Variants in ARHGAP39 observed in about 807,000 individuals in gnomAD.
ARHGAP39 encodes the protein rho GTPase-activating protein 39.
ARHGAP39 carries 44 observed loss-of-function variants against 106.9 expected under a neutral mutation model. The ratio of observed to expected loss-of-function variants is 0.41; its 90% CI spans 0.32 to 0.53. ARHGAP39 has a LOEUF of 0.53. ARHGAP39 is among the 20% of genes least tolerant of loss of function. The probability of loss-of-function intolerance (pLI) is 0.21; values close to 1 mark genes in which losing one functional copy is unlikely to be tolerated. For missense variants in ARHGAP39, 1,496 were observed against 1,577.3 expected, an observed-to-expected ratio of 0.95 and a Z score of 0.87; for synonymous variants, 768 against 693.2, an observed-to-expected ratio of 1.11 and a Z score of -1.69.
At chr8:144,696,847 A>G in the ARHGAP39 span, among the ~76,000 whole-genome samples, 1 of 152,154 alleles carries the variant, frequency 6.6e-6, no homozygotes, top group Non-Finnish European at 1.5e-5. Flanking sequence ...AGTCCCTAGT[A>G]ACCAACATTC....
At chr8:144,667,726 G>T (rs537957494) in intron 1 of ARHGAP39, among the ~76,000 whole-genome samples, 1 of 152,180 alleles carries the variant, frequency 6.6e-6, no homozygotes, top group East Asian at 1.9e-4. Flanking sequence ...GTGTGACCCT[G>T]GTGGGTCACA....
rs374785210 is a variant in ARHGAP39, at chr8:144,605,693, G to A, written c.-79C>T. The A allele has an allele frequency of 1.2e-5, 17 of 1,418,172 alleles. No homozygotes were observed. The highest frequency in any genetic ancestry group is 2.3e-5 in the South Asian group (2 of 86,612). The allele number at this position is 1,418,172 out of a possible 1,614,324, so 87.8% of individuals were successfully genotyped here. ...CGCCAGCATCAGACGGGAAGGTGCC[G>A]CACTGCAAGAGGGGAGAAGCAACAG... On this transcript the variant is annotated splice_region_variant and 5_prime_UTR_variant, in exon 2 of 12. Transcript: ENST00000377307.
chr8:144,596,342 C>T (rs551972162), intron 2 of ARHGAP39, among the ~76,000 whole-genome samples: 7 of 151,140 alleles, frequency 4.6e-5, no homozygotes, highest in South Asian at 2.1e-4. Flanking sequence ...CTTGCCACCC[C>T]GGCGCTGTCC....
At chr8:144,592,081 C>T (rs2130916551) in intron 2 of ARHGAP39, among the ~76,000 whole-genome samples, 1 of 152,302 alleles carries the variant, frequency 6.6e-6, no homozygotes, top group African/African-American at 2.4e-5. Context: ...AGAAGTAATA[C>T]CAATTGTTAT....
intron 2 of ARHGAP39, among the ~76,000 whole-genome samples, chr8:144,589,098 T>A (rs796135836): frequency 6.6e-5 from 10 of 152,062 alleles, no homozygotes; most frequent in African/African-American, 1.9e-4. Context: ...GCTCATCAAC[T>A]GCAGAAAGGC....
chr8:144,633,143 TTTTG>T (rs199734479), intron 1 of ARHGAP39, among the ~76,000 whole-genome samples: 46 of 148,720 alleles, frequency 3.1e-4, no homozygotes, highest in Middle Eastern at 4.0e-3. Context: ...CCCTGTTTTT[TTTTG>T]TTTGTTTGTT....
At chr8:144,593,189 C>T (rs942607408) in intron 2 of ARHGAP39, among the ~76,000 whole-genome samples, 5 of 152,108 alleles carry the variant, frequency 3.3e-5, no homozygotes, top group African/African-American at 1.2e-4. Flanking sequence ...TTGCACACAG[C>T]GATCAGCCCA....
At chr8:144,601,096 G>A (rs1208120981) in intron 2 of ARHGAP39, among the ~76,000 whole-genome samples, 4 of 147,438 alleles carry the variant, frequency 2.7e-5, no homozygotes, top group African/African-American at 1.0e-4. Flanking sequence ...GTGCGTGGAG[G>A]TGTGTGTGAC....
At chr8:144,640,141 C>T (rs888633111) in intron 1 of ARHGAP39, among the ~76,000 whole-genome samples, 1 of 152,162 alleles carries the variant, frequency 6.6e-6, no homozygotes, top group Admixed American at 6.5e-5. Context: ...AGCTCCATGA[C>T]ACCAGGGATT....
chr8:144,661,780 C>A (rs886541694), intron 1 of ARHGAP39, among the ~76,000 whole-genome samples: 2 of 152,040 alleles, frequency 1.3e-5, no homozygotes, highest in African/African-American at 4.8e-5. Flanking sequence ...ACCCGCCTCT[C>A]CATTATCCAC....
intron 1 of ARHGAP39, among the ~76,000 whole-genome samples, chr8:144,655,814 G>A (rs778692867): frequency 6.6e-6 from 1 of 152,040 alleles, no homozygotes; most frequent in African/African-American, 2.4e-5. Flanking sequence ...CAAAGACCCC[G>A]TAACACTATG....
At chr8:144,563,147 T>G (rs1242320198) in intron 3 of ARHGAP39, among the ~76,000 whole-genome samples, 3 of 152,360 alleles carry the variant, frequency 2.0e-5, no homozygotes, top group South Asian at 4.1e-4. Flanking sequence ...AAGGCTTACT[T>G]AGACAAACTT....
At chr8:144,535,567 C>A (rs1564834407) in intron 7 of ARHGAP39, among the ~76,000 whole-genome samples, 1 of 152,240 alleles carries the variant, frequency 6.6e-6, no homozygotes, top group Non-Finnish European at 1.5e-5. Context: ...GCGGCAGAAA[C>A]CCAGGGCCTC....
At chr8:144,600,517 CG>C (rs2130929715) in intron 2 of ARHGAP39, among the ~76,000 whole-genome samples, 1 of 123,594 alleles carries the variant, frequency 8.1e-6, no homozygotes, top group South Asian at 2.8e-4. Context: ...CCTGCGTGTG[CG>C]TGGAGGCGTG....
At position 144,547,374 on chromosome 8, in the gene ARHGAP39, T is replaced by C; in HGVS notation, c.1712A>G (p.Lys571Arg). ...WEAQQAHFHM[K>R]QRSSWDSQQD... ...CTGGGAGTCCCAGCTGCTCCTCTGC[T>C]TCATGTGGAAGTGGGCCTGCTGCGC... The change falls in exon 5 of 12, where the codon AAG becomes AGG. Residue 571 changes from lysine to arginine, a missense_variant. Lys to Arg is a conservative substitution (Grantham distance 26, BLOSUM62 2). Around this residue, in one of 4 missense-constraint regions of ARHGAP39, gnomAD observed 905 missense variants for 816.4 expected, o/e 1.11. Transcript: ENST00000377307. The surrounding 1 kb of genome is among the most constrained non-coding windows in gnomAD (Gnocchi z 5.2). 1 of 1,600,064 alleles carries C rather than the reference T, an allele frequency of 6.2e-7. No individual in the cohort carries two copies. The highest frequency in any genetic ancestry group is 1.7e-4 in the Middle Eastern group (1 of 6,040).
intron 1 of ARHGAP39, among the ~76,000 whole-genome samples, chr8:144,681,478 T>A (rs1467031288): frequency 1.3e-5 from 2 of 152,016 alleles, no homozygotes; most frequent in Non-Finnish European, 2.9e-5. Flanking sequence ...GGACCTTGAG[T>A]CAACGAAGAG....
chr8:144,536,067 G>A (rs891018209), intron 7 of ARHGAP39, among the ~76,000 whole-genome samples: 3 of 152,200 alleles, frequency 2.0e-5, no homozygotes, highest in Admixed American at 2.0e-4. Context: ...CTGACCTGCA[G>A]TGGGATAGTG....
At chr8:144,676,461 G>A (rs1374118709) in intron 1 of ARHGAP39, among the ~76,000 whole-genome samples, 1 of 125,054 alleles carries the variant, frequency 8.0e-6, no homozygotes, top group Non-Finnish European at 1.5e-5. Flanking sequence ...CTAGACACAC[G>A]TGCTGCTGAC....
At chr8:144,631,105 A>G (rs562098669) in intron 1 of ARHGAP39, among the ~76,000 whole-genome samples, 3 of 152,160 alleles carry the variant, frequency 2.0e-5, no homozygotes, top group Admixed American at 6.5e-5. Flanking sequence ...CGTTTAAATG[A>G]CCAGATCCAT....
Sources: allele counts gnomAD v4.1 joint callset (sites outside exome capture counted in the v4.1 genomes callset), GRCh38; gene constraint gnomAD v4.1.1; regional missense constraint gnomAD v4.1.1; non-coding constraint Gnocchi (gnomAD v3.1); transcripts MANE v1.5; gene names NCBI Gene and HGNC (gene_info 2026-07-23, HGNC 2026-07-21).